Variants in HIF3A observed in about 807,000 individuals in gnomAD.
HIF3A encodes the protein hypoxia-inducible factor 3-alpha.
HIF3A carries 41 observed loss-of-function variants against 67.2 expected under a neutral mutation model. That is an observed-to-expected ratio of 0.61 (90% CI 0.48 to 0.79). The LOEUF (loss-of-function observed/expected upper bound fraction) is 0.79. Ranked by LOEUF, HIF3A falls within the 30% of genes least tolerant of loss-of-function variation. The pLI is 0.00. For synonymous variants in HIF3A, 356 were observed against 374.8 expected (o/e 0.95, Z 0.58); for missense variants, 855 against 898.0 (o/e 0.95, Z 0.61).
Position 46,297,323 on chromosome 19 carries a change from G to A in HIF3A, c.26+221G>A, listed in dbSNP as rs888257561. Among the ~76,000 whole-genome samples, 4 of 152,066 alleles carry A rather than the reference G, an allele frequency of 2.6e-5. No homozygotes were observed. Among genetic ancestry groups the A allele is most frequent in the Non-Finnish European group, 5.9e-5 (4 of 67,988 alleles). On this transcript the variant is annotated intron_variant, in intron 1 of 14. Transcript: ENST00000377670. The surrounding 1 kb of genome is among the most constrained non-coding windows in gnomAD (Gnocchi z 4.5). ...CTGCCCCGCCCCTCTGGCCAAGAGC[G>A]GCTTCGGGGTTCCCGATTTCTCGCT...
At position 46,330,263 on chromosome 19, in the gene HIF3A, A is replaced by AG. The variant is rs1314039827; in HGVS notation, c.1712+785_1712+786insG. 7.2e-5 allele frequency among the ~76,000 whole-genome samples: 11 copies of AG among 152,258 alleles called. No individual in the cohort carries two copies. In the East Asian group the frequency reaches 1.9e-3, roughly 27 times the overall value. The stretch of plus-strand genomic sequence containing the variant: ...GGAATTATTAATGAATATAGTTGGC[A>AG]CTTTAATGGGTGGACAGGTGGATGG... On this transcript the variant is annotated intron_variant, in intron 12 of 14. Transcript: ENST00000377670.
At position 46,339,773 on chromosome 19, in the gene HIF3A, C is replaced by G. The variant is rs1971869195; in HGVS notation, c.*151C>G. 2 of 477,048 alleles carry G rather than the reference C, an allele frequency of 4.2e-6. No homozygotes were observed. The highest frequency in any genetic ancestry group is 8.3e-5 in the South Asian group (2 of 23,972). The allele number at this position is 477,048 out of a possible 1,614,324, so 29.6% of individuals were successfully genotyped here. ...TGCCCACCTCGGGCCTACCTCAGCCCTCACCCCTCTGCCTGCTCCCAATCT... is the reference window on the plus strand; with the variant it reads ...TGCCCACCTCGGGCCTACCTCAGCCGTCACCCCTCTGCCTGCTCCCAATCT... On this transcript the variant is annotated 3_prime_UTR_variant, in exon 15 of 15. Transcript: ENST00000377670.
chr19:46,323,718 A>G (rs1333463372), intron 10 of HIF3A, among the ~76,000 whole-genome samples: 1 of 152,188 alleles, frequency 6.6e-6, no homozygotes, highest in Non-Finnish European at 1.5e-5. Context: ...ACGGTTCCAC[A>G]TGGCTGGGGA....
intron 8 of HIF3A, among the ~76,000 whole-genome samples, chr19:46,319,468 T>C (rs1027061249): frequency 1.3e-5 from 2 of 152,046 alleles, no homozygotes; most frequent in African/African-American, 4.8e-5. Flanking sequence ...ATTTAGATTG[T>C]CTCTGCAGCC....
chr19:46,327,403 A>C (rs1428349484), intron 11 of HIF3A, among the ~76,000 whole-genome samples: 4 of 151,090 alleles, frequency 2.6e-5, no homozygotes, highest in Admixed American at 6.6e-5. Context: ...GCAACTTCCA[A>C]CTCCCAGGTT....
chr19:46,332,007 C>G (rs1009502946), intron 13 of HIF3A, among the ~76,000 whole-genome samples: 1 of 152,114 alleles, frequency 6.6e-6, no homozygotes, highest in Admixed American at 6.6e-5. Context: ...CCTTGGATTA[C>G]TAGTGCAGAG....
At position 46,321,794 on chromosome 19, in the gene HIF3A, T is replaced by A; in HGVS notation, c.1163T>A (p.Ile388Asn). Residue 388 changes from isoleucine (I) to asparagine (N), a missense_variant, in exon 10 of 15, where the codon ATC becomes AAC. This residue lies in a region of HIF3A where 638 missense variants were observed against 660.5 expected (regional missense o/e 0.97). Coordinates refer to ENST00000377670, the MANE Select transcript of HIF3A (RefSeq NM_152795.4). Reference sequence around the variant, plus strand: ...CCTGCAGACACCCCTGGCCCCCGGATCCTTGCCTTCCTGCACCCGCCTTCC... The same window carrying A: ...CCTGCAGACACCCCTGGCCCCCGGAACCTTGCCTTCCTGCACCCGCCTTCC... ...GDSLDTPGPRILAFLHPPSLS... is the reference protein window; with the variant it reads ...GDSLDTPGPRNLAFLHPPSLS... 6.2e-7 allele frequency: 1 copy of A among 1,613,658 alleles called. No homozygotes were observed. The highest frequency in any genetic ancestry group is 1.3e-5 in the African/African-American group (1 of 75,016).
intron 8 of HIF3A, chr19:46,313,326 T>C: frequency 1.0e-6 from 1 of 982,796 alleles, no homozygotes; most frequent in Non-Finnish European, 1.2e-6. Flanking sequence ...AATCATGGGG[T>C]CTTTTTTGCT....
chr19:46,314,381 C>CA (rs35737547), intron 8 of HIF3A, among the ~76,000 whole-genome samples: 19,954 of 122,588 alleles, frequency 0.16, 3,114 homozygotes, highest in African/African-American at 0.33. Flanking sequence ...GAAAACAAAC[C>CA]AAAAAAAAAA....
intron 14 of HIF3A, chr19:46,338,640 C>A: frequency 1.9e-6 from 1 of 523,468 alleles, no homozygotes; most frequent in South Asian, 4.9e-5. Context: ...TGGATTTACT[C>A]ATTTATTCCT....
At chr19:46,336,680 C>T (rs1971647951) in intron 14 of HIF3A, among the ~76,000 whole-genome samples, 1 of 152,016 alleles carries the variant, frequency 6.6e-6, no homozygotes, top group Admixed American at 6.5e-5. Flanking sequence ...AGCCACCGCA[C>T]CAGGCCCCTG....
chr19:46,320,557 C>T lies in HIF3A; in HGVS notation c.1140C>T (p.Ser380=). The T allele has an allele frequency of 1.2e-6, 2 of 1,612,156 alleles. No individual in the cohort carries two copies. The highest frequency in any genetic ancestry group is 1.7e-6 in the Non-Finnish European group (2 of 1,178,274). ...SQKDTPNPGD[S]LDTPGPRILA... is the part of the protein sequence containing the mutation. Reference sequence around the variant, plus strand: ...AGGACACCCCTAACCCTGGGGACAGCCTTGGTATGGGGCAGGGCTGGGGCC... The same window carrying T: ...AGGACACCCCTAACCCTGGGGACAGTCTTGGTATGGGGCAGGGCTGGGGCC... Residue 380 remains serine (S), a synonymous_variant, in exon 9 of 15, where the codon AGC becomes AGT. Coordinates refer to ENST00000377670, the MANE Select transcript of HIF3A (RefSeq NM_152795.4).
At chr19:46,309,614 C>G (rs548373741) in intron 6 of HIF3A, among the ~76,000 whole-genome samples, 33 of 152,218 alleles carry the variant, frequency 2.2e-4, no homozygotes, top group African/African-American at 7.7e-4. Flanking sequence ...CCCACTTCGG[C>G]CTCCCAAAGT....
intron 14 of HIF3A, among the ~76,000 whole-genome samples, chr19:46,339,291 A>C (rs1971840645): frequency 6.6e-6 from 1 of 152,234 alleles, no homozygotes; most frequent in South Asian, 2.1e-4. Context: ...GTACAAAAAC[A>C]AGACTTGCGT....
Position 46,308,205 on chromosome 19 carries a change from C to T in HIF3A, c.364-16C>T, listed in dbSNP as rs899108898. 7.5e-6 allele frequency: 12 copies of T among 1,592,802 alleles called. No homozygotes were observed. Among genetic ancestry groups the T allele is most frequent in the Non-Finnish European group, 1.0e-5 (12 of 1,160,614 alleles). On this transcript the variant is annotated splice_polypyrimidine_tract_variant and intron_variant, in intron 3 of 14. Transcript: ENST00000377670. ...CAGAAGCCCTGGTAGACCCCCACCCCTCTCATCCCTGGCAGCTGGAGCTCA... is the reference window on the plus strand; with the variant it reads ...CAGAAGCCCTGGTAGACCCCCACCCTTCTCATCCCTGGCAGCTGGAGCTCA...
At chr19:46,335,973 C>A (rs1023210608) in intron 14 of HIF3A, among the ~76,000 whole-genome samples, 3 of 151,514 alleles carry the variant, frequency 2.0e-5, no homozygotes, top group Admixed American at 2.0e-4. Context: ...CCCAGGAGTT[C>A]GAGGCTGCAG....
intron 14 of HIF3A, among the ~76,000 whole-genome samples, chr19:46,339,259 G>A (rs960334765): frequency 1.7e-4 from 26 of 151,462 alleles, no homozygotes; most frequent in Admixed American, 1.4e-3. Context: ...TGTATAACCC[G>A]ACCCCAGCCA....
In HIF3A at chr19:46,317,418, C is replaced by T. The variant is rs1970005309; in HGVS notation, c.1026-3025C>T. 2.0e-5 allele frequency among the ~76,000 whole-genome samples: 3 copies of T among 152,128 alleles called. No individual in the cohort carries two copies. In the South Asian group the frequency reaches 6.2e-4, roughly 32 times the overall value. ...GAGCCCTTCTGAAGCTCCCCAGTATCCTCAGGAGAAAAGCCAAGGGCGTTG... is the reference window on the plus strand; with the variant it reads ...GAGCCCTTCTGAAGCTCCCCAGTATTCTCAGGAGAAAAGCCAAGGGCGTTG... On this transcript the variant is annotated intron_variant, in intron 8 of 14. Transcript: ENST00000377670.
chr19:46,309,228 G>A lies in HIF3A; in HGVS notation c.639G>A (p.Glu213=), dbSNP rs901834390. Residue 213 remains glutamate, a synonymous_variant, in exon 6 of 15, where the codon GAG becomes GAA. Transcript: ENST00000377670. ...CTCCAGCTGGGAGCCCTGACTCAGAGCCCCCGCTGCAGTGCCTGGTGCTCA... is the reference window on the plus strand; with the variant it reads ...CTCCAGCTGGGAGCCCTGACTCAGAACCCCCGCTGCAGTGCCTGGTGCTCA... ...QTSPAGSPDS[E]PPLQCLVLIC... is the part of the protein sequence containing the mutation. 3 of 1,614,034 alleles carry A rather than the reference G, an allele frequency of 1.9e-6. No homozygotes were observed. Among genetic ancestry groups the A allele is most frequent in the Non-Finnish European group, 2.5e-6 (3 of 1,179,942 alleles).
Sources: gnomAD v4.1 joint callset for allele counts (sites outside exome capture counted in the v4.1 genomes callset) on GRCh38, gnomAD v4.1.1 for gene constraint, gnomAD v4.1.1 regional missense constraint, Gnocchi (gnomAD v3.1) non-coding constraint, MANE v1.5 for transcripts, NCBI Gene and HGNC (gene_info 2026-07-23, HGNC 2026-07-21) for gene names.